Variants in GPR89B observed in about 807,000 individuals in gnomAD.
The protein encoded by GPR89B is G protein-coupled receptor 89B.
A neutral mutation model predicts 52.4 loss-of-function variants in GPR89B; 25 were observed. The ratio of observed to expected loss-of-function variants is 0.48; its 90% confidence interval spans 0.35 to 0.67. The LOEUF is 0.67. Ranked by LOEUF, GPR89B falls within the 30% of genes least tolerant of loss-of-function variation. The pLI, the probability that GPR89B is intolerant of heterozygous loss-of-function variation, is 0.01. For missense variants in GPR89B, 146 were observed against 450.2 expected, an observed-to-expected ratio of 0.32 and a Z score of 6.11; for synonymous variants, 52 against 151.2, an observed-to-expected ratio of 0.34 and a Z score of 4.81.
At chr1:148,005,630 A>G in the GPR89B span, 5 of 1,107,740 alleles carry the variant, frequency 4.5e-6, no homozygotes, top group Non-Finnish European at 6.6e-6. Flanking sequence ...TTCCTACTTC[A>G]TTTACTGTCC....
Position 147,950,082 on chromosome 1 carries a change from C to G in GPR89B, c.416-3263C>G, listed in dbSNP as rs587718038. On this transcript the variant is annotated intron_variant, in intron 5 of 13. Coordinates refer to ENST00000314163, the MANE Select transcript of GPR89B (RefSeq NM_016334.5). ...TGGCCGTGCGGGGGGCTGATCCCCCCACCTCCCTCCCGGACGGGGTGGCTG... is the reference window on the plus strand; with the variant it reads ...TGGCCGTGCGGGGGGCTGATCCCCCGACCTCCCTCCCGGACGGGGTGGCTG... 3.3e-5 allele frequency among the ~76,000 whole-genome samples: 5 copies of G among 150,670 alleles called. No individual in the cohort carries two copies. In the South Asian group the frequency reaches 1.0e-3, roughly 32 times the overall value.
Position 147,990,403 on chromosome 1 carries a change from G to A in GPR89B, c.1095+1882G>A, listed in dbSNP as rs1393797907. Among the ~76,000 whole-genome samples, 987 of 152,250 alleles carry A rather than the reference G, an allele frequency of 6.5e-3. 8 individuals carry two copies. The highest frequency in any genetic ancestry group is 0.023 in the African/African-American group (950 of 41,542). ...TTTTCTCCCATTCTGTAGGTTGCCT[G>A]TTCACTCTGATGGTAGTTTCTTTTG... On this transcript the variant is annotated intron_variant, in intron 12 of 13. Coordinates refer to ENST00000314163, the MANE Select transcript of GPR89B (RefSeq NM_016334.5).
the GPR89B span, among the ~76,000 whole-genome samples, chr1:148,008,837 T>C: frequency 6.6e-6 from 1 of 152,092 alleles, no homozygotes; most frequent in East Asian, 1.9e-4. Flanking sequence ...TTTTGCGGTA[T>C]TCTCAGCAAA....
chr1:148,021,511 G>A, the GPR89B span, among the ~76,000 whole-genome samples: 1 of 151,548 alleles, frequency 6.6e-6, no homozygotes, highest in South Asian at 2.1e-4. Flanking sequence ...AAGGAGAGAA[G>A]CTGTGGGGTG....
intron 5 of GPR89B, among the ~76,000 whole-genome samples, chr1:147,952,682 CTCA>C (rs1655811331): frequency 6.6e-6 from 1 of 152,026 alleles, no homozygotes; most frequent in Admixed American, 6.6e-5. Context: ...TTGGCTTTCT[CTCA>C]TTTATCCCAA....
At position 147,943,511 on chromosome 1, in the gene GPR89B, A is replaced by G; in HGVS notation, c.280A>G (p.Ile94Val). The change falls in exon 4 of 14, where the codon ATT becomes GTT. Residue 94 changes from isoleucine to valine, a missense_variant. By Grantham distance (29) the Ile-to-Val change is conservative. Coordinates refer to ENST00000314163, the MANE Select transcript of GPR89B (RefSeq NM_016334.5). ...LILVFMVPFY[I>V]GYFIVSNIRL... ...CCTGGTTTTCATGGTGCCTTTTTACATTGGCTATTTTATTGTGAGCAATAT... is the reference window on the plus strand; with the variant it reads ...CCTGGTTTTCATGGTGCCTTTTTACGTTGGCTATTTTATTGTGAGCAATAT... 2 of 1,613,002 alleles carry G rather than the reference A, an allele frequency of 1.2e-6. No individual in the cohort carries two copies. Among genetic ancestry groups the G allele is most frequent in the Non-Finnish European group, 1.7e-6 (2 of 1,179,452 alleles).
At position 147,981,318 on chromosome 1, in the gene GPR89B, G is replaced by GACACACACACACAC. The variant is rs1189035337; in HGVS notation, c.910-4870_910-4869insCACACACACACACA. Among the ~76,000 whole-genome samples, 151 of 149,248 alleles carry GACACACACACACAC rather than the reference G, an allele frequency of 1.0e-3. 2 individuals carry two copies. The highest frequency in any genetic ancestry group is 2.3e-3 in the African/African-American group (90 of 39,718). ...CCCCATTCTTTACCCCTCCCTCCCC[G>GACACACACACACAC]ACACACACACATACACACACACACA... On this transcript the variant is annotated intron_variant, in intron 10 of 13. Transcript: ENST00000314163.
At chr1:147,939,795 C>G (rs587753681) in intron 3 of GPR89B, among the ~76,000 whole-genome samples, 3 of 150,806 alleles carry the variant, frequency 2.0e-5, no homozygotes, top group African/African-American at 7.3e-5. Context: ...TGCAGGGGTT[C>G]AAGACGAGCC....
At chr1:147,978,436 G>A (rs879963103) in intron 10 of GPR89B, among the ~76,000 whole-genome samples, 2 of 151,722 alleles carry the variant, frequency 1.3e-5, no homozygotes. Flanking sequence ...GCAACCCCTG[G>A]TGGGTCTCAG....
At chr1:147,955,619 T>A (rs1656060230) in intron 7 of GPR89B, among the ~76,000 whole-genome samples, 1 of 152,080 alleles carries the variant, frequency 6.6e-6, no homozygotes, top group Non-Finnish European at 1.5e-5. Context: ...TGAGGTGATA[T>A]CTCATTGTGT....
At chr1:148,019,740 A>G in the GPR89B span, among the ~76,000 whole-genome samples, 1 of 152,056 alleles carries the variant, frequency 6.6e-6, no homozygotes, top group African/African-American at 2.4e-5. Context: ...CTTTATGTTA[A>G]CTAGAGGAGT....
Position 147,992,501 on chromosome 1 carries a change from G to T in GPR89B, c.1096-1G>T, listed in dbSNP as rs1659142642. The T allele has an allele frequency of 8.1e-6, 13 of 1,611,340 alleles. No individual in the cohort carries two copies. The highest frequency in any genetic ancestry group is 1.7e-5 in the Admixed American group (1 of 59,958). ...AAATTTATCTCCCTCTTTCTTGACA[G>T]TTCTTTTATGCCATCTCTAGCAGTA... On this transcript the variant is annotated splice_acceptor_variant, in intron 12 of 13. Coordinates refer to ENST00000314163, the MANE Select transcript of GPR89B (RefSeq NM_016334.5). LOFTEE classifies it high-confidence loss of function.
intron 5 of GPR89B, among the ~76,000 whole-genome samples, chr1:147,951,135 A>G (rs1553250985): frequency 1.3e-5 from 2 of 151,686 alleles, no homozygotes; most frequent in Admixed American, 1.3e-4. Flanking sequence ...GCTAGACTGC[A>G]CTTGAATCCT....
At chr1:147,972,095 G>T (rs1422863470) in intron 10 of GPR89B, among the ~76,000 whole-genome samples, 1 of 150,882 alleles carries the variant, frequency 6.6e-6, no homozygotes, top group African/African-American at 2.5e-5. Context: ...TTTCTGTCTG[G>T]CTTATTTTAC....
intron 5 of GPR89B, among the ~76,000 whole-genome samples, chr1:147,949,246 A>T (rs1263105081): frequency 6.6e-6 from 1 of 151,762 alleles, no homozygotes; most frequent in Admixed American, 6.6e-5. Context: ...CGCCATTGTC[A>T]TCATGGCCCG....
intron 1 of GPR89B, among the ~76,000 whole-genome samples, chr1:147,933,926 A>G (rs1178189558): frequency 1.3e-5 from 2 of 152,046 alleles, no homozygotes; most frequent in African/African-American, 4.8e-5. Context: ...CTCACCACCT[A>G]CAGACTATAA....
intron 10 of GPR89B, among the ~76,000 whole-genome samples, chr1:147,972,879 C>G (rs1196207267): frequency 1.3e-5 from 2 of 149,808 alleles, no homozygotes; most frequent in African/African-American, 5.0e-5. Context: ...TCACATTGTT[C>G]AGTTCCCACT....
At chr1:147,982,713 A>G (rs1240945158) in intron 10 of GPR89B, among the ~76,000 whole-genome samples, 1 of 135,944 alleles carries the variant, frequency 7.4e-6, no homozygotes, top group African/African-American at 2.8e-5. Context: ...TAGGGATGGC[A>G]TTGAATCTAT....
chr1:147,950,419 G>A (rs1293198140), intron 5 of GPR89B, among the ~76,000 whole-genome samples: 3 of 151,266 alleles, frequency 2.0e-5, no homozygotes, highest in Admixed American at 6.6e-5. Flanking sequence ...ATGGTATGGC[G>A]GCCGGGCAGA....
Sources: allele counts gnomAD v4.1 joint callset (sites outside exome capture counted in the v4.1 genomes callset), GRCh38; gene constraint gnomAD v4.1.1; transcripts MANE v1.5; gene names NCBI Gene and HGNC (gene_info 2026-07-23, HGNC 2026-07-21).